Variants in GRIA3 observed in about 807,000 individuals in gnomAD.
The protein encoded by GRIA3 is glutamate receptor 3.
GRIA3 carries 3 observed loss-of-function variants against 63.0 expected under a neutral mutation model. The observed-to-expected ratio is 0.05, with a 90% CI of 0.02 to 0.12. The LOEUF is 0.12. Among genes scored for constraint, GRIA3 ranks in the 10% least tolerant of loss-of-function variants. The pLI, the probability that GRIA3 is intolerant of heterozygous loss-of-function variation, is 1.00. For synonymous variants in GRIA3, 274 were observed against 257.9 expected, an observed-to-expected ratio of 1.06 and a Z score of -0.60; for missense variants, 347 against 700.9, an observed-to-expected ratio of 0.50 and a Z score of 5.70.
intron 12 of GRIA3, among the ~76,000 whole-genome samples, chrX:123,452,412 A>G (rs2045738067): frequency 9.0e-6 from 1 of 110,616 alleles, no homozygotes; most frequent in African/African-American, 3.3e-5. Flanking sequence ...GGATAACCCC[A>G]AGCAAATTGC....
intron 4 of GRIA3, among the ~76,000 whole-genome samples, chrX:123,341,526 C>A (rs957782338): frequency 9.0e-6 from 1 of 111,159 alleles, no homozygotes; most frequent in Non-Finnish European, 1.9e-5. Flanking sequence ...ACAGTCTGTG[C>A]CAGCAGGTAA....
chrX:123,417,871 T>G (rs1240987290), intron 11 of GRIA3, 93 bp downstream of exon 11: 7 of 819,480 alleles, frequency 8.5e-6, no homozygotes, highest in Non-Finnish European at 1.3e-5. Flanking sequence ...AACTCCAGAT[T>G]TTTTTCATTT....
chrX:123,326,869 G>A (rs2044909092), intron 4 of GRIA3, among the ~76,000 whole-genome samples: 1 of 110,569 alleles, frequency 9.0e-6, no homozygotes, highest in African/African-American at 3.3e-5. Context: ...TGACAATGTG[G>A]GCAACAAGTT....
intron 3 of GRIA3, among the ~76,000 whole-genome samples, chrX:123,280,899 C>T (rs191655268): frequency 5.4e-5 from 6 of 111,467 alleles, no homozygotes; most frequent in South Asian, 3.8e-4. Context: ...CATTTTCACA[C>T]CTGGATTCAC....
At chrX:123,382,807 C>A (rs1196547019) in intron 5 of GRIA3, among the ~76,000 whole-genome samples, 1 of 112,219 alleles carries the variant, frequency 8.9e-6, no homozygotes, top group African/African-American at 3.2e-5. Flanking sequence ...CTTTCTCCCT[C>A]GCTTTTGCTA....
In GRIA3 at chrX:123,490,221, G is replaced by C. The variant is rs755759989; in HGVS notation, c.*1511G>C. The C allele has an allele frequency of 2.7e-5, 3 of 112,922 alleles. No individual in the cohort carries two copies. The South Asian group carries it at 1.1e-3, about 41-fold the overall frequency. The allele number at this position is 112,922 out of a possible 1,213,427, so 9.3% of individuals were successfully genotyped here. On this transcript the variant is annotated 3_prime_UTR_variant, in exon 16 of 16. Transcript: ENST00000620443. The stretch of plus-strand genomic sequence containing the variant: ...CCCAAGTGTGACCCTTAGATGCTTA[G>C]TTGACTCGCTGCATATTTGCTCTTG...
At chrX:123,426,006 TACA>T (rs2045587562) in intron 11 of GRIA3, among the ~76,000 whole-genome samples, 1 of 109,166 alleles carries the variant, frequency 9.2e-6, no homozygotes, top group Non-Finnish European at 1.9e-5. Flanking sequence ...GAAATGCTGG[TACA>T]GACAGAGAAG....
chrX:123,346,942 C>A (rs2147345618), intron 4 of GRIA3, among the ~76,000 whole-genome samples: 1 of 112,233 alleles, frequency 8.9e-6, no homozygotes, highest in African/African-American at 3.2e-5. Context: ...CAGTGGTATG[C>A]TGGAAAACTG....
At chrX:123,425,968 C>T (rs1214027226) in intron 11 of GRIA3, among the ~76,000 whole-genome samples, 1 of 108,105 alleles carries the variant, frequency 9.3e-6, no homozygotes, top group Non-Finnish European at 1.9e-5. Flanking sequence ...CCTTGGGACA[C>T]AGGAATTTAA....
chrX:123,451,223 G>A (rs541707), intron 12 of GRIA3, among the ~76,000 whole-genome samples: 3,584 of 110,619 alleles, frequency 0.032, 142 homozygotes, highest in African/African-American at 0.11. Context: ...ATTGTAGGCC[G>A]GGCATGGTGG....
intron 5 of GRIA3, among the ~76,000 whole-genome samples, chrX:123,360,855 TCACACACACA>T (rs10548566): frequency 0.18 from 8,264 of 46,300 alleles, 644 homozygotes; most frequent in East Asian, 0.24. Context: ...TCTCTCTCTC[TCACACACACA>T]CACACACACA....
At chrX:123,311,032 C>A (rs909412970) in intron 3 of GRIA3, among the ~76,000 whole-genome samples, 4 of 109,579 alleles carry the variant, frequency 3.7e-5, no homozygotes, top group African/African-American at 1.3e-4. Context: ...TTCTCTTGAT[C>A]TGTCCTGCAA....
chrX:123,206,448 C>G (rs940411191), intron 2 of GRIA3, among the ~76,000 whole-genome samples: 1 of 112,064 alleles, frequency 8.9e-6, no homozygotes, highest in Admixed American at 9.4e-5. Flanking sequence ...CACTGGCTGC[C>G]GTTCTTGTCC....
At chrX:123,463,685 A>G (rs758368997) in intron 12 of GRIA3, among the ~76,000 whole-genome samples, 3 of 59,408 alleles carry the variant, frequency 5.0e-5, no homozygotes, top group East Asian at 5.1e-4. Flanking sequence ...AGAAAGAAAG[A>G]GAGAGAAAGA....
chrX:123,315,698 T>C (rs1238520383), intron 3 of GRIA3, among the ~76,000 whole-genome samples: 1 of 112,189 alleles, frequency 8.9e-6, no homozygotes, highest in East Asian at 2.8e-4. Flanking sequence ...ATTTTTTCTT[T>C]ACTTCTGTCT....
chrX:123,456,557 G>A (rs6649016), intron 12 of GRIA3, among the ~76,000 whole-genome samples: 38,422 of 108,887 alleles, frequency 0.35, 6,095 homozygotes, highest in South Asian at 0.49. Flanking sequence ...TTCAGAATGG[G>A]CCCACCCCAG....
chrX:123,274,400 G>T (rs1054919141), intron 3 of GRIA3, among the ~76,000 whole-genome samples: 4 of 111,680 alleles, frequency 3.6e-5, no homozygotes, highest in African/African-American at 1.3e-4. Context: ...TGAGGGCAAT[G>T]AGAAAGAAAA....
At chrX:123,337,645 T>C (rs757849391) in intron 4 of GRIA3, among the ~76,000 whole-genome samples, 31 of 111,834 alleles carry the variant, frequency 2.8e-4, no homozygotes, top group Middle Eastern at 4.7e-3. Context: ...ATACTCTGTC[T>C]TGGATTAAGA....
chrX:123,371,964 G>A (rs1235870509), intron 5 of GRIA3, among the ~76,000 whole-genome samples: 1 of 111,237 alleles, frequency 9.0e-6, no homozygotes, highest in Non-Finnish European at 1.9e-5. Context: ...ACCAACGTCC[G>A]GGAGATTTTC....
Sources: gnomAD v4.1 joint callset for allele counts (sites outside exome capture counted in the v4.1 genomes callset) on GRCh38, gnomAD v4.1.1 for gene constraint, MANE v1.5 for transcripts, NCBI Gene and HGNC (gene_info 2026-07-23, HGNC 2026-07-21) for gene names.